LMCD1: variants seen among roughly 807,000 people sequenced by gnomAD.
LMCD1 encodes the protein LIM and cysteine-rich domains protein 1.
LMCD1 carries 32 observed loss-of-function variants against 42.7 expected under a neutral mutation model. The observed-to-expected ratio is 0.75, with a 90% CI of 0.57 to 1.01. The LOEUF (loss-of-function observed/expected upper bound fraction) is 1.01, where lower values mean the gene tolerates loss of function less well. LMCD1 is among the 50% of genes least tolerant of loss of function. The probability of loss-of-function intolerance (pLI) is 0.00; values close to 1 mark genes in which losing one functional copy is unlikely to be tolerated. For missense variants in LMCD1, 458 were observed against 483.1 expected (o/e 0.95, Z 0.49); for synonymous variants, 178 against 184.9 (o/e 0.96, Z 0.30).
rs561098521 is a variant in LMCD1 at position 8,565,597 on chromosome 3, G to A, written c.889G>A (p.Gly297Ser). ...CTGGAAGGATGGTGCACCCTGGTGC[G>A]GCCGCCATTACTGCGAGAGTCTGCG... ...YFWKDGAPWC[G>S]RHYCESLRPR... The change falls in exon 5 of 6, where the codon GGC (glycine) becomes AGC (serine). Residue 297 changes from glycine (G) to serine (S), a missense_variant. By Grantham distance (56) the Gly-to-Ser change is moderately conservative. Coordinates refer to ENST00000157600, the MANE Select transcript of LMCD1 (RefSeq NM_014583.4). 3.1e-6 allele frequency: 5 copies of A among 1,609,254 alleles called. No homozygotes were observed. In the South Asian group the frequency reaches 3.3e-5, roughly 11 times the overall value.
chr3:8,559,075 G>C (rs1223899850), intron 4 of LMCD1, among the ~76,000 whole-genome samples: 1 of 151,590 alleles, frequency 6.6e-6, no homozygotes, highest in East Asian at 2.0e-4. Context: ...CCAAGCAGGG[G>C]ATGAGTGGAG....
intron 4 of LMCD1, among the ~76,000 whole-genome samples, chr3:8,555,706 C>G (rs1163079434): frequency 6.9e-6 from 1 of 144,960 alleles, no homozygotes; most frequent in African/African-American, 2.6e-5. Context: ...GCCACATGGC[C>G]TTCAACGAGC....
intron 5 of LMCD1, among the ~76,000 whole-genome samples, chr3:8,566,478 A>G (rs1415276485): frequency 6.6e-6 from 1 of 152,200 alleles, no homozygotes; most frequent in African/African-American, 2.4e-5. Flanking sequence ...CTCTTACCTA[A>G]TAACTCTGTT....
At chr3:8,545,118 G>A (rs1694709152) in intron 3 of LMCD1, among the ~76,000 whole-genome samples, 1 of 152,164 alleles carries the variant, frequency 6.6e-6, no homozygotes, top group Admixed American at 6.6e-5. Flanking sequence ...TCTACTATTA[G>A]AAGTTGACTT....
chr3:8,514,390 G>A (rs1271544688), intron 1 of LMCD1, among the ~76,000 whole-genome samples: 1 of 152,148 alleles, frequency 6.6e-6, no homozygotes, highest in Non-Finnish European at 1.5e-5. Context: ...GGAGCAACTG[G>A]AACTCACAGA....
At chr3:8,543,456 G>GAGATAGACAGACAGAC (rs1325958985) in intron 3 of LMCD1, among the ~76,000 whole-genome samples, 1 of 145,356 alleles carries the variant, frequency 6.9e-6, no homozygotes, top group Admixed American at 6.9e-5. Flanking sequence ...GACAGACAGA[G>GAGATAGACAGACAGAC]AGATAGACAG....
rs201895745 is a variant in LMCD1, at chr3:8,548,888, C to T, written c.708C>T (p.Ser236=). Residue 236 remains serine (S), a synonymous_variant, in exon 4 of 6, where the codon TCC becomes TCT. Coordinates refer to ENST00000157600, the MANE Select transcript of LMCD1 (RefSeq NM_014583.4). ...CCAACGGCAGTCTCAGTGACCCGTC[C>T]AAAGAAGTGGAATACGTAAGTTTCT... The part of the protein sequence containing the change: ...ATTNGSLSDP[S]KEVEYVCELC... 1.3e-4 allele frequency: 203 copies of T among 1,531,036 alleles called. No individual in the cohort carries two copies. Among genetic ancestry groups the T allele is most frequent in the Non-Finnish European group, 1.7e-4 (188 of 1,135,938 alleles). The allele number at this position is 1,531,036 out of a possible 1,614,324, so 94.8% of individuals were successfully genotyped here. A position where few individuals can be genotyped will look rare whatever the true frequency, so the allele number is the denominator to read the frequency against.
At chr3:8,525,591 G>A (rs147001624) in intron 1 of LMCD1, among the ~76,000 whole-genome samples, 63 of 152,292 alleles carry the variant, frequency 4.1e-4, no homozygotes, top group Admixed American at 9.8e-4. Flanking sequence ...CCAGATGTGG[G>A]ATTTCTGGAT....
chr3:8,536,368 A>T (rs1694508079), intron 2 of LMCD1, among the ~76,000 whole-genome samples: 1 of 152,192 alleles, frequency 6.6e-6, no homozygotes, highest in South Asian at 2.1e-4. Context: ...CCAAGTAGCC[A>T]CAGATTTTTG....
intron 4 of LMCD1, chr3:8,551,370 C>T: frequency 1.0e-6 from 1 of 983,284 alleles, no homozygotes; most frequent in Non-Finnish European, 1.2e-6. Context: ...TTTATTAAGC[C>T]CCTGCTCTGT....
intron 4 of LMCD1, among the ~76,000 whole-genome samples, chr3:8,558,867 C>T (rs1234454123): frequency 6.6e-6 from 1 of 152,204 alleles, no homozygotes. Flanking sequence ...GTGGCCCCAA[C>T]CACACCAGCA....
intron 1 of LMCD1, among the ~76,000 whole-genome samples, chr3:8,524,201 A>G (rs1241940305): frequency 1.1e-4 from 14 of 132,402 alleles, no homozygotes; most frequent in African/African-American, 3.4e-4. Flanking sequence ...CTTCTTAAGG[A>G]AAAAAAAAAA....
intron 1 of LMCD1, among the ~76,000 whole-genome samples, chr3:8,502,399 T>TATATATA (rs1168491057): frequency 2.4e-4 from 11 of 45,996 alleles, no homozygotes; most frequent in Admixed American, 3.5e-4. Context: ...ATATATAAAA[T>TATATATA]ATATATAATA....
chr3:8,553,521 G>A (rs548576522), intron 4 of LMCD1, among the ~76,000 whole-genome samples: 5 of 152,292 alleles, frequency 3.3e-5, no homozygotes, highest in Non-Finnish European at 5.9e-5. Context: ...CTGCATGGCC[G>A]GGGCTGTCAG....
chr3:8,503,516 G>A (rs763818174), intron 1 of LMCD1, among the ~76,000 whole-genome samples: 1 of 152,314 alleles, frequency 6.6e-6, no homozygotes, highest in Admixed American at 6.5e-5. Flanking sequence ...ACCTAGTAGT[G>A]AGTTATGCAT....
chr3:8,528,808 T>C (rs1329089608), intron 1 of LMCD1, among the ~76,000 whole-genome samples: 1 of 152,144 alleles, frequency 6.6e-6, no homozygotes, highest in Non-Finnish European at 1.5e-5. Context: ...TGAAGGCAAA[T>C]GCTTGAGAGA....
chr3:8,555,016 T>G (rs1694905926), intron 4 of LMCD1, among the ~76,000 whole-genome samples: 1 of 151,970 alleles, frequency 6.6e-6, no homozygotes, highest in African/African-American at 2.4e-5. Flanking sequence ...AGAGCAAACT[T>G]AAGAGGAGGA....
At chr3:8,536,648 G>A (rs754260999) in intron 2 of LMCD1, among the ~76,000 whole-genome samples, 7 of 152,186 alleles carry the variant, frequency 4.6e-5, no homozygotes, top group African/African-American at 4.8e-5. Flanking sequence ...TAATTCTTTA[G>A]AGCAGGAGTT....
In LMCD1 at chr3:8,537,192, T is replaced by C. The variant is rs1694525017; in HGVS notation, c.139T>C (p.Cys47Arg). 1.2e-6 allele frequency: 2 copies of C among 1,613,868 alleles called. No homozygotes were observed. Among genetic ancestry groups the C allele is most frequent in the Non-Finnish European group, 1.7e-6 (2 of 1,179,810 alleles). ...GFEPHSWRKI[C>R]KSCKCSQEDH... The stretch of plus-strand genomic sequence containing the variant: ...CCATCCACCCACCCCCAGGAAAATA[T>C]GCAAGTCTTGCAAATGCAGCCAAGA... Residue 47 changes from cysteine (C) to arginine (R), a missense_variant, in exon 3 of 6, where the codon TGC becomes CGC. Cys to Arg is a radical substitution (Grantham distance 180, BLOSUM62 -3). Transcript: ENST00000157600.
Sources: gnomAD v4.1 joint callset for allele counts (sites outside exome capture counted in the v4.1 genomes callset) on GRCh38, gnomAD v4.1.1 for gene constraint, MANE v1.5 for transcripts, NCBI Gene and HGNC (gene_info 2026-07-23, HGNC 2026-07-21) for gene names.